ABCA13: variants seen among roughly 807,000 people sequenced by gnomAD.
ABCA13 encodes the protein ATP-binding cassette sub-family A member 13.
A neutral mutation model predicts 478.7 loss-of-function variants in ABCA13; 476 were observed. The observed-to-expected ratio is 0.99, with a 90% CI of 0.92 to 1.07. The LOEUF (loss-of-function observed/expected upper bound fraction) is 1.07, where lower values mean the gene tolerates loss of function less well. Among genes scored for constraint, ABCA13 ranks in the 50% least tolerant of loss-of-function variants. The pLI, the probability that ABCA13 is intolerant of heterozygous loss-of-function variation, is 0.00. For synonymous variants in ABCA13, 2,252 were observed against 2,158.9 expected, an observed-to-expected ratio of 1.04 and a Z score of -1.20; for missense variants, 6,060 against 5,910.6, an observed-to-expected ratio of 1.03 and a Z score of -0.83.
chr7:48,576,195 A>AC (rs936760524), intron 55 of ABCA13, among the ~76,000 whole-genome samples: 5 of 150,476 alleles, frequency 3.3e-5, no homozygotes, highest in East Asian at 2.0e-4. Context: ...TCCTAGACCC[A>AC]CCCCCCATGG....
intron 37 of ABCA13, among the ~76,000 whole-genome samples, chr7:48,390,206 A>G (rs1290077170): frequency 6.6e-6 from 1 of 152,200 alleles, no homozygotes; most frequent in East Asian, 1.9e-4. Flanking sequence ...TAGCAGAATG[A>G]TGAGAATTGC....
At position 48,410,983 on chromosome 7, in the gene ABCA13, CTT is replaced by C. The variant is rs1162575068; in HGVS notation, c.12228+308_12228+309del. Among the ~76,000 whole-genome samples, 274 of 59,850 alleles carry C rather than the reference CTT, an allele frequency of 4.6e-3. 2 individuals are homozygous for C. The highest frequency in any genetic ancestry group is 0.014 in the African/African-American group (226 of 15,838). 39.3% of individuals were successfully genotyped at this position (59,850 alleles called of 152,430 possible). A position where few individuals can be genotyped will look rare whatever the true frequency, so the allele number is the denominator to read the frequency against. On this transcript the variant is annotated intron_variant, in intron 40 of 61. Coordinates refer to ENST00000435803, the MANE Select transcript of ABCA13 (RefSeq NM_152701.5). ...GTATTCTAGAAATTCTTTTCTCTTT[CTT>C]TCTTTCTTTCTTTCTTTCTTTCTTT...
At chr7:48,356,516 G>C (rs1809949628) in intron 31 of ABCA13, among the ~76,000 whole-genome samples, 1 of 151,764 alleles carries the variant, frequency 6.6e-6, no homozygotes, top group South Asian at 2.1e-4. Context: ...TCAACAAGTG[G>C]AGAGACCTAC....
Position 48,491,419 on chromosome 7 carries a change from G to C in ABCA13, c.13291+2075G>C, listed in dbSNP as rs180946012. 1.8e-3 allele frequency among the ~76,000 whole-genome samples: 267 copies of C among 152,286 alleles called. 1 individual carries two copies. Among genetic ancestry groups the C allele is most frequent in the African/African-American group, 6.2e-3 (256 of 41,562 alleles). On this transcript the variant is annotated intron_variant, in intron 48 of 61. Coordinates refer to ENST00000435803, the MANE Select transcript of ABCA13 (RefSeq NM_152701.5). ...GAAGATCTTGGCACAGAGGCCAGTG[G>C]AGGGCAGAATTTCACATGGATGGGC...
At chr7:48,358,821 A>G (rs1056430219) in intron 31 of ABCA13, among the ~76,000 whole-genome samples, 3 of 152,000 alleles carry the variant, frequency 2.0e-5, no homozygotes, top group Non-Finnish European at 4.4e-5. Context: ...ATATAGGAGA[A>G]TTTCTTGGTA....
chr7:48,335,661 A>G, intron 28 of ABCA13, 126 bp downstream of exon 28: 1 of 568,574 alleles, frequency 1.8e-6, no homozygotes, highest in Non-Finnish European at 2.9e-6. Context: ...GTTGACTCAT[A>G]TAATTGACAT....
At chr7:48,316,695 G>A (rs967315145) in intron 26 of ABCA13, among the ~76,000 whole-genome samples, 2 of 152,224 alleles carry the variant, frequency 1.3e-5, no homozygotes, top group Non-Finnish European at 2.9e-5. Context: ...ACCAGCATCT[G>A]CTTCTGGTGA....
intron 42 of ABCA13, among the ~76,000 whole-genome samples, chr7:48,429,512 A>C (rs1821861619): frequency 6.6e-6 from 1 of 152,168 alleles, no homozygotes; most frequent in African/African-American, 2.4e-5. Context: ...GGTTTTATTT[A>C]CATTTCACTG....
chr7:48,408,884 C>T (rs1345827280), intron 39 of ABCA13, among the ~76,000 whole-genome samples: 1 of 152,102 alleles, frequency 6.6e-6, no homozygotes, highest in African/African-American at 2.4e-5. Context: ...TGTGTTGTTC[C>T]CTCTATGTCT....
chr7:48,304,999 C>A (rs188280905), intron 23 of ABCA13, among the ~76,000 whole-genome samples: 3 of 152,318 alleles, frequency 2.0e-5, no homozygotes, highest in Admixed American at 2.0e-4. Flanking sequence ...AATAAACCCA[C>A]CTAATTCTTA....
At chr7:48,309,222 A>G (rs1042881557) in intron 23 of ABCA13, among the ~76,000 whole-genome samples, 8 of 152,076 alleles carry the variant, frequency 5.3e-5, no homozygotes, top group South Asian at 2.1e-4. Context: ...CTTCGGCCTC[A>G]GTTGGCCTGA....
intron 3 of ABCA13, among the ~76,000 whole-genome samples, chr7:48,210,722 T>G (rs1785528681): frequency 1.3e-5 from 2 of 152,140 alleles, no homozygotes; most frequent in African/African-American, 4.8e-5. Context: ...TAATTTTAAT[T>G]ATTTTGAATT....
chr7:48,338,303 GTAT>G, intron 28 of ABCA13, 59 bp from the exon 29 acceptor site: 10 of 1,245,970 alleles, frequency 8.0e-6, no homozygotes, highest in Non-Finnish European at 1.1e-5. Context: ...AGTCTAATAA[GTAT>G]TATTCAATAA....
At chr7:48,328,846 A>C (rs1470769807) in intron 27 of ABCA13, among the ~76,000 whole-genome samples, 1 of 152,230 alleles carries the variant, frequency 6.6e-6, no homozygotes, top group Non-Finnish European at 1.5e-5. Flanking sequence ...ATGAGATATC[A>C]TATCAAAATG....
At chr7:48,179,639 G>C (rs1367247116) in intron 1 of ABCA13, among the ~76,000 whole-genome samples, 1 of 152,130 alleles carries the variant, frequency 6.6e-6, no homozygotes, top group Non-Finnish European at 1.5e-5. Flanking sequence ...CAGCCAGGAG[G>C]CACGGTGCTC....
In ABCA13 at chr7:48,175,730, T is replaced by A. The variant is rs1327706432; in HGVS notation, c.69+4178T>A. ...GCCACTGCGGTGGACCTATGTGATATATCATTGTTATTATATAGTCATCCT... is the reference window on the plus strand; with the variant it reads ...GCCACTGCGGTGGACCTATGTGATAAATCATTGTTATTATATAGTCATCCT... On this transcript the variant is annotated intron_variant, in intron 1 of 61. Transcript: ENST00000435803. 6.6e-5 allele frequency among the ~76,000 whole-genome samples: 10 copies of A among 152,306 alleles called. No homozygotes were observed. The East Asian group carries it at 1.7e-3, about 27-fold the overall frequency.
Position 48,272,311 on chromosome 7 carries a change from C to T in ABCA13, c.2645C>T (p.Pro882Leu), listed in dbSNP as rs1795722649. 6 of 1,613,520 alleles carry T rather than the reference C, an allele frequency of 3.7e-6. No individual in the cohort carries two copies. The highest frequency in any genetic ancestry group is 5.1e-6 in the Non-Finnish European group (6 of 1,179,734). ...NFSQLFHSDWPKSPAMNIDFV... is the reference protein window; with the variant it reads ...NFSQLFHSDWLKSPAMNIDFV... The stretch of plus-strand genomic sequence containing the variant: ...TCCCAGTTGTTCCATTCAGATTGGC[C>T]TAAATCACCAGCTATGAACATAGAT... The change falls in exon 17 of 62, where the codon CCT (proline) becomes CTT (leucine). Residue 882 changes from proline to leucine, a missense_variant. Around this residue, in one of 3 missense-constraint regions of ABCA13, gnomAD observed 4,423 missense variants for 4,309.1 expected, o/e 1.03. Coordinates refer to ENST00000435803, the MANE Select transcript of ABCA13 (RefSeq NM_152701.5).
chr7:48,580,108 A>G, intron 55 of ABCA13, 116 bp from the exon 56 acceptor site: 1 of 1,123,708 alleles, frequency 8.9e-7, no homozygotes, highest in Middle Eastern at 2.9e-4. Flanking sequence ...TGTGAAATGA[A>G]CTAATTGTTT....
intron 3 of ABCA13, among the ~76,000 whole-genome samples, chr7:48,207,642 A>ATTGT (rs1038944923): frequency 6.6e-6 from 1 of 151,810 alleles, no homozygotes; most frequent in South Asian, 2.1e-4. Context: ...TTTTCATTGA[A>ATTGT]TTGTTTGTTT....
Sources: allele counts gnomAD v4.1 joint callset (sites outside exome capture counted in the v4.1 genomes callset), GRCh38; gene constraint gnomAD v4.1.1; regional missense constraint gnomAD v4.1.1; transcripts MANE v1.5; gene names NCBI Gene and HGNC (gene_info 2026-07-23, HGNC 2026-07-21).